SOS1: variants seen among roughly 807,000 people sequenced by gnomAD.
The protein encoded by SOS1 is son of sevenless homolog 1.
SOS1 carries 25 observed loss-of-function variants against 157.6 expected under a neutral mutation model. The ratio of observed to expected loss-of-function variants is 0.16; its 90% CI spans 0.12 to 0.22. The LOEUF (loss-of-function observed/expected upper bound fraction) is 0.22. SOS1 is among the 10% of genes least tolerant of loss of function. SOS1 has a pLI of 1.00. For missense variants in SOS1, 1,237 were observed against 1,599.1 expected (o/e 0.77, Z 3.86); for synonymous variants, 528 against 534.0 (o/e 0.99, Z 0.16).
Position 39,029,232 on chromosome 2 carries a change from T to C in SOS1, c.1075-5095A>G, listed in dbSNP as rs559900480. ...ATCAACCCTAAAAAATGTTACGATATGTCATTTATGAAAACATATCTTTTA... is the reference window on the plus strand; with the variant it reads ...ATCAACCCTAAAAAATGTTACGATACGTCATTTATGAAAACATATCTTTTA... On this transcript the variant is annotated intron_variant, in intron 8 of 22. Coordinates refer to ENST00000402219, the MANE Select transcript of SOS1 (RefSeq NM_005633.4). Among the ~76,000 whole-genome samples the C allele has an allele frequency of 4.6e-5, 7 of 152,336 alleles. No homozygotes were observed. In the East Asian group the frequency reaches 1.2e-3, roughly 25 times the overall value.
chr2:39,120,263 G>T (rs1673818758), intron 1 of SOS1, 73 bp downstream of exon 1: 2 of 1,347,300 alleles, frequency 1.5e-6, no homozygotes, highest in African/African-American at 1.5e-5. Context: ...CGCGCGCCCC[G>T]CCTCCCCAGC....
Position 39,023,024 on chromosome 2 carries a change from C to A in SOS1, c.1404G>T (p.Met468Ile). 6.2e-7 allele frequency: 1 copy of A among 1,613,758 alleles called. No homozygotes were observed. The highest frequency in any genetic ancestry group is 8.5e-7 in the Non-Finnish European group (1 of 1,179,762). Residue 468 changes from methionine to isoleucine, a missense_variant, in exon 10 of 23, where the codon ATG (methionine) becomes ATT (isoleucine). Around this residue, in one of 15 missense-constraint regions of SOS1, gnomAD observed 210 missense variants for 220.2 expected, o/e 0.95. Coordinates refer to ENST00000402219, the MANE Select transcript of SOS1 (RefSeq NM_005633.4). Reference protein sequence around the residue: ...ERHIFLFDGLMICCKSNHGQP... With the variant: ...ERHIFLFDGLIICCKSNHGQP... The stretch of plus-strand genomic sequence containing the variant: ...GCCCATGATTTGATTTACAGCAAAT[C>A]ATTAAGCCATCAAAGAGAAATATGT...
Position 39,120,348 on chromosome 2 carries a change from A to G in SOS1, c.75T>C (p.Pro25=). Reference sequence around the variant, plus strand: ...GCGTGCTCCTCACCTTTTTCAGCGCAGGCACCAGTAGTCCCCGCCACTTGG... The same window carrying G: ...GCGTGCTCCTCACCTTTTTCAGCGCGGGCACCAGTAGTCCCCGCCACTTGG... The part of the protein sequence containing the change: ...NAPKWRGLLV[P]ALKKVQGQVH... The change falls in exon 1 of 23, where the codon CCT becomes CCC. Residue 25 remains proline, a synonymous_variant. Coordinates refer to ENST00000402219, the MANE Select transcript of SOS1 (RefSeq NM_005633.4). The G allele has an allele frequency of 6.3e-7, 1 of 1,588,554 alleles. No individual in the cohort carries two copies. Among genetic ancestry groups the G allele is most frequent in the African/African-American group, 1.4e-5 (1 of 73,218 alleles).
chr2:38,986,441 T>G (rs1668563201), intron 22 of SOS1, 126 bp from the exon 23 acceptor site: 5 of 927,294 alleles, frequency 5.4e-6, no homozygotes, highest in Non-Finnish European at 7.9e-6. Flanking sequence ...CAGGGAGTTT[T>G]GCCATATGTT....
At chr2:39,066,895 A>G (rs1259414442) in intron 2 of SOS1, among the ~76,000 whole-genome samples, 2 of 152,228 alleles carry the variant, frequency 1.3e-5, no homozygotes, top group African/African-American at 2.4e-5. Context: ...AGGTATGGGT[A>G]TATCATTCTA....
chr2:39,042,322 G>C (rs1399180119), intron 6 of SOS1, among the ~76,000 whole-genome samples: 1 of 152,068 alleles, frequency 6.6e-6, no homozygotes, highest in East Asian at 1.9e-4. Context: ...TATCATTACA[G>C]TACTGAGTCT....
chr2:39,023,245 A>C lies in SOS1; in HGVS notation c.1203-20T>G. On this transcript the variant is annotated intron_variant, in intron 9 of 22. Coordinates refer to ENST00000402219, the MANE Select transcript of SOS1 (RefSeq NM_005633.4). ...GATTCACTGGAATAAAGAAAAAGAC[A>C]TTATTAGTACATAGATGACAGAAAA... 1 of 1,590,726 alleles carries C rather than the reference A, an allele frequency of 6.3e-7. No individual in the cohort carries two copies. The highest frequency in any genetic ancestry group is 8.6e-7 in the Non-Finnish European group (1 of 1,159,946).
chr2:38,990,490 C>T (rs1668699038), intron 20 of SOS1, among the ~76,000 whole-genome samples: 1 of 152,032 alleles, frequency 6.6e-6, no homozygotes, highest in Non-Finnish European at 1.5e-5. Flanking sequence ...TGAAGATTGC[C>T]TGGTTGTAAA....
intron 20 of SOS1, among the ~76,000 whole-genome samples, chr2:38,990,023 C>T (rs186256178): frequency 6.6e-6 from 1 of 152,038 alleles, no homozygotes; most frequent in East Asian, 1.9e-4. Context: ...AGACAAAAAG[C>T]TAGGTGATCT....
chr2:39,091,721 C>T (rs369750838), intron 1 of SOS1, among the ~76,000 whole-genome samples: 13 of 152,312 alleles, frequency 8.5e-5, no homozygotes, highest in African/African-American at 3.1e-4. Flanking sequence ...GGCTTCTCCA[C>T]CCAGGGCTGT....
At chr2:38,998,971 C>A (rs186557224) in intron 17 of SOS1, among the ~76,000 whole-genome samples, 1 of 152,150 alleles carries the variant, frequency 6.6e-6, no homozygotes, top group African/African-American at 2.4e-5. Flanking sequence ...CTGTTGGCTA[C>A]TACAGTATAA....
At chr2:39,020,923 C>G (rs1669775101) in intron 10 of SOS1, among the ~76,000 whole-genome samples, 1 of 151,578 alleles carries the variant, frequency 6.6e-6, no homozygotes, top group Non-Finnish European at 1.5e-5. Context: ...AGCCACAACA[C>G]TGGCCTTTTA....
At chr2:39,058,945 T>C (rs868500107) in intron 2 of SOS1, 141 bp from the exon 3 acceptor site, 2 of 672,180 alleles carry the variant, frequency 3.0e-6, no homozygotes, top group Non-Finnish European at 5.0e-6. Context: ...CATATGAAGC[T>C]AAGAGAAAAC....
At chr2:39,032,112 G>A (rs955161059) in intron 8 of SOS1, among the ~76,000 whole-genome samples, 1 of 152,118 alleles carries the variant, frequency 6.6e-6, no homozygotes, top group Non-Finnish European at 1.5e-5. Context: ...CTTAAAACAT[G>A]TGCATTAACA....
intron 1 of SOS1, among the ~76,000 whole-genome samples, chr2:39,068,814 A>T (rs1345373340): frequency 6.6e-6 from 1 of 152,138 alleles, no homozygotes; most frequent in Non-Finnish European, 1.5e-5. Context: ...AATAAACAGC[A>T]TGATAGTCTT....
intron 1 of SOS1, among the ~76,000 whole-genome samples, chr2:39,119,712 TAAC>T (rs75609624): frequency 0.066 from 10,095 of 152,214 alleles, 449 homozygotes; most frequent in East Asian, 0.19. Context: ...TAAAAATTCT[TAAC>T]AAGCCAAATG....
chr2:39,101,458 A>G (rs184032175), intron 1 of SOS1, among the ~76,000 whole-genome samples: 2 of 152,314 alleles, frequency 1.3e-5, no homozygotes, highest in Admixed American at 6.5e-5. Context: ...ACTGTTGAAC[A>G]ACTAGATGAT....
chr2:39,032,345 T>A (rs558180015), intron 8 of SOS1, among the ~76,000 whole-genome samples: 1 of 152,208 alleles, frequency 6.6e-6, no homozygotes, highest in African/African-American at 2.4e-5. Context: ...AACAGTCTTA[T>A]ACTATTAATA....
chr2:39,059,797 T>G (rs1276218303), intron 2 of SOS1, among the ~76,000 whole-genome samples: 1 of 152,032 alleles, frequency 6.6e-6, no homozygotes, highest in Non-Finnish European at 1.5e-5. Flanking sequence ...AATTAAGGAG[T>G]GTAATCCATT....
Sources: allele counts gnomAD v4.1 joint callset (sites outside exome capture counted in the v4.1 genomes callset), GRCh38; gene constraint gnomAD v4.1.1; regional missense constraint gnomAD v4.1.1; transcripts MANE v1.5; gene names NCBI Gene and HGNC (gene_info 2026-07-23, HGNC 2026-07-21).